Variants in ZNF385B observed in about 807,000 individuals in gnomAD.
ZNF385B encodes zinc finger protein 385B.
A neutral mutation model predicts 39.2 loss-of-function variants in ZNF385B; 23 were observed. The ratio of observed to expected loss-of-function variants is 0.59; its 90% CI spans 0.42 to 0.83. The LOEUF is 0.83. ZNF385B is among the 40% of genes least tolerant of loss of function. The pLI, the probability that ZNF385B is intolerant of heterozygous loss-of-function variation, is 0.00. For missense variants in ZNF385B, 552 were observed against 598.9 expected, an observed-to-expected ratio of 0.92 and a Z score of 0.82; for synonymous variants, 205 against 222.6, an observed-to-expected ratio of 0.92 and a Z score of 0.70.
chr2:179,563,931 AT>A (rs1684239001), intron 3 of ZNF385B, among the ~76,000 whole-genome samples: 1 of 152,154 alleles, frequency 6.6e-6, no homozygotes, highest in Non-Finnish European at 1.5e-5. Flanking sequence ...CTGTTGAATC[AT>A]GACTGATTCT....
intron 1 of ZNF385B, among the ~76,000 whole-genome samples, chr2:179,788,414 C>T (rs1431208428): frequency 6.6e-6 from 1 of 152,072 alleles, no homozygotes; most frequent in Non-Finnish European, 1.5e-5. Context: ...TCAAAGCATG[C>T]AGCAAATGTA....
At chr2:179,656,040 G>A (rs1575106008) in intron 3 of ZNF385B, among the ~76,000 whole-genome samples, 2 of 152,198 alleles carry the variant, frequency 1.3e-5, no homozygotes, top group South Asian at 2.1e-4. Context: ...TTGGTTACTG[G>A]TTTAAAGAAA....
chr2:179,833,203 C>T (rs924995050), intron 1 of ZNF385B, among the ~76,000 whole-genome samples: 18 of 152,018 alleles, frequency 1.2e-4, no homozygotes, highest in African/African-American at 4.3e-4. Flanking sequence ...CCAGATTTTT[C>T]AATTTTCAGT....
chr2:179,502,354 A>G (rs922677251), intron 5 of ZNF385B, among the ~76,000 whole-genome samples: 24 of 152,266 alleles, frequency 1.6e-4, no homozygotes, highest in African/African-American at 5.8e-4. Flanking sequence ...GAGGAATAAT[A>G]TGGTTTGGCT....
intron 3 of ZNF385B, chr2:179,584,040 T>C: frequency 1.1e-6 from 1 of 874,192 alleles, no homozygotes; most frequent in South Asian, 1.4e-5. Context: ...GAAGACATAG[T>C]CCCTGTTTTC....
chr2:179,783,659 T>C (rs1704809836), intron 1 of ZNF385B, among the ~76,000 whole-genome samples: 1 of 151,902 alleles, frequency 6.6e-6, no homozygotes, highest in South Asian at 2.1e-4. Context: ...CCATTAAAAG[T>C]GGGCAAAGGA....
intron 4 of ZNF385B, among the ~76,000 whole-genome samples, chr2:179,538,525 A>G (rs939927928): frequency 6.6e-6 from 1 of 152,166 alleles, no homozygotes; most frequent in African/African-American, 2.4e-5. Flanking sequence ...TTTTTAAAAA[A>G]TATTCATCAA....
chr2:179,563,365 G>A (rs1182546483), intron 3 of ZNF385B, among the ~76,000 whole-genome samples: 1 of 152,130 alleles, frequency 6.6e-6, no homozygotes, highest in Non-Finnish European at 1.5e-5. Flanking sequence ...TTAGCTTAGT[G>A]GGCATTTGAA....
intron 4 of ZNF385B, among the ~76,000 whole-genome samples, chr2:179,535,879 C>A (rs374599241): frequency 8.5e-5 from 13 of 152,188 alleles, no homozygotes; most frequent in African/African-American, 2.9e-4. Flanking sequence ...TATTCCAAAG[C>A]ATGTCTCTCC....
chr2:179,656,639 C>A (rs1016771120), intron 3 of ZNF385B, among the ~76,000 whole-genome samples: 4 of 152,032 alleles, frequency 2.6e-5, no homozygotes, highest in African/African-American at 7.2e-5. Context: ...GCTTTGATAC[C>A]CTCATCTACA....
At chr2:179,851,650 T>C (rs961291828) in intron 1 of ZNF385B, among the ~76,000 whole-genome samples, 1 of 152,226 alleles carries the variant, frequency 6.6e-6, no homozygotes, top group African/African-American at 2.4e-5. Flanking sequence ...GATTTTAAAA[T>C]AATCAATGAT....
intron 3 of ZNF385B, among the ~76,000 whole-genome samples, chr2:179,700,657 T>C (rs1253148739): frequency 6.6e-6 from 1 of 152,212 alleles, no homozygotes; most frequent in Non-Finnish European, 1.5e-5. Context: ...GTGGAAATGA[T>C]AAAGCAGAGA....
intron 3 of ZNF385B, among the ~76,000 whole-genome samples, chr2:179,768,943 A>G (rs183180456): frequency 6.2e-4 from 94 of 152,354 alleles, no homozygotes; most frequent in African/African-American, 1.9e-3. Context: ...TGGATTTCAG[A>G]GGGAAGCCTT....
intron 1 of ZNF385B, among the ~76,000 whole-genome samples, chr2:179,775,874 C>T (rs1054637444): frequency 2.6e-5 from 4 of 152,198 alleles, no homozygotes; most frequent in Admixed American, 6.5e-5. Flanking sequence ...TGCTTCTCTG[C>T]AAATTATCTT....
chr2:179,635,164 G>A (rs1279855672), intron 3 of ZNF385B, among the ~76,000 whole-genome samples: 2 of 151,014 alleles, frequency 1.3e-5, no homozygotes, highest in Non-Finnish European at 3.0e-5. Flanking sequence ...AAGAAAGAAA[G>A]AAAATGTGAC....
chr2:179,667,035 T>C (rs544065987), intron 3 of ZNF385B, among the ~76,000 whole-genome samples: 13 of 152,352 alleles, frequency 8.5e-5, no homozygotes, highest in East Asian at 5.8e-4. Context: ...TAATAAAATA[T>C]GTATTACATT....
chr2:179,734,260 T>C (rs1449051472), intron 3 of ZNF385B, among the ~76,000 whole-genome samples: 2 of 152,216 alleles, frequency 1.3e-5, no homozygotes, highest in Non-Finnish European at 2.9e-5. Context: ...TTTATGTGTC[T>C]TTGTATACAT....
At chr2:179,694,373 G>A (rs538632865) in intron 3 of ZNF385B, among the ~76,000 whole-genome samples, 4 of 147,744 alleles carry the variant, frequency 2.7e-5, no homozygotes, top group Admixed American at 6.7e-5. Context: ...TTTTGACTGC[G>A]AATTTATATC....
chr2:179,800,152 T>C (rs975358135), intron 1 of ZNF385B, among the ~76,000 whole-genome samples: 1 of 152,092 alleles, frequency 6.6e-6, no homozygotes, highest in Non-Finnish European at 1.5e-5. Flanking sequence ...CTCCAAAGCT[T>C]TTATGTAATC....
Sources: allele counts gnomAD v4.1 joint callset (sites outside exome capture counted in the v4.1 genomes callset), GRCh38; gene constraint gnomAD v4.1.1; transcripts MANE v1.5; gene names NCBI Gene and HGNC (gene_info 2026-07-23, HGNC 2026-07-21).